CCDC187: variants seen among roughly 807,000 people sequenced by gnomAD.
CCDC187 encodes the protein coiled-coil domain-containing protein 187.
A neutral mutation model predicts 38.0 loss-of-function variants in CCDC187; 32 were observed. The observed-to-expected ratio is 0.84, with a 90% CI of 0.64 to 1.13. The LOEUF is 1.13. CCDC187 is among the 50% of genes most tolerant of loss of function. CCDC187 has a pLI of 0.00. For synonymous variants in CCDC187, 333 were observed against 347.9 expected, an observed-to-expected ratio of 0.96 and a Z score of 0.48; for missense variants, 707 against 786.8, an observed-to-expected ratio of 0.90 and a Z score of 1.21.
intron 4 of CCDC187, among the ~76,000 whole-genome samples, chr9:136,293,375 A>G (rs1472623667): frequency 7.2e-6 from 1 of 138,998 alleles, no homozygotes; most frequent in Non-Finnish European, 1.6e-5. Context: ...ATGCTCACAC[A>G]CTCACACTCA....
chr9:136,253,674 G>T lies in CCDC187; in HGVS notation c.6154C>A (p.Gln2052Lys). 1 of 985,548 alleles carries T rather than the reference G, an allele frequency of 1.0e-6. No individual in the cohort carries two copies. Among genetic ancestry groups the T allele is most frequent in the Non-Finnish European group, 1.2e-6 (1 of 829,968 alleles). The allele number at this position is 985,548 out of a possible 1,614,324, so 61.1% of individuals were successfully genotyped here. Residue 2052 changes from glutamine to lysine, a missense_variant, in exon 26 of 26, where the codon CAG (glutamine) becomes AAG (lysine). Transcript: ENST00000638797. ...TCCTCAGACAAGGAGGACAAATCCTGGGTGGTGATGGCGGTGTCCTCCTCA... is the reference window on the plus strand; with the variant it reads ...TCCTCAGACAAGGAGGACAAATCCTTGGTGGTGATGGCGGTGTCCTCCTCA... ...PLEEDTAITTQDLSSLSEESL... is the reference protein window; with the variant it reads ...PLEEDTAITTKDLSSLSEESL...
intron 5 of CCDC187, 118 bp downstream of exon 5, chr9:136,292,043 G>A (rs902351077): frequency 4.3e-5 from 17 of 397,770 alleles, no homozygotes; most frequent in Middle Eastern, 1.2e-3. Context: ...AGGCTGCTGT[G>A]AGAGGCGCCA....
rs1186080017 is a variant in CCDC187 at position 136,257,230 on chromosome 9, G to A, written c.4367-389C>T. Among the ~76,000 whole-genome samples the A allele has an allele frequency of 1.3e-5, 2 of 152,142 alleles. No individual in the cohort carries two copies. Among genetic ancestry groups the A allele is most frequent in the South Asian group, 2.1e-4 (1 of 4,824 alleles). On this transcript the variant is annotated intron_variant, in intron 22 of 25. Transcript: ENST00000638797. This position sits in a 1 kb window ranked among gnomAD's most constrained non-coding sequence, Gnocchi z 4.5. ...TCTACTAAAAATACAAAAATTAGGC[G>A]GGCATGGTGGCGGGGGCCTATAATT...
At chr9:136,275,626 C>A (rs1047526257) in intron 12 of CCDC187, among the ~76,000 whole-genome samples, 3 of 152,232 alleles carry the variant, frequency 2.0e-5, no homozygotes, top group Non-Finnish European at 4.4e-5. Flanking sequence ...CCCCTCCAGC[C>A]AGGTCACAGC....
At chr9:136,298,720 C>T (rs1249881261) in intron 3 of CCDC187, among the ~76,000 whole-genome samples, 3 of 152,220 alleles carry the variant, frequency 2.0e-5, no homozygotes, top group African/African-American at 7.2e-5. Context: ...GACTGTGATC[C>T]CACTCTATGC....
Position 136,290,792 on chromosome 9 carries a change from G to A in CCDC187, c.1821C>T (p.Ser607=), listed in dbSNP as rs1831306055. The A allele has an allele frequency of 5.0e-6, 2 of 398,458 alleles. No homozygotes were observed. The highest frequency in any genetic ancestry group is 4.1e-5 in the African/African-American group (2 of 48,644). 24.7% of individuals were successfully genotyped at this position (398,458 alleles called of 1,614,324 possible). A position where few individuals can be genotyped will look rare whatever the true frequency, so the allele number is the denominator to read the frequency against. ...AKHALPRPTG[S]FPQNPLGKEK... Reference sequence around the variant, plus strand: ...CCTTCCCAAGTGGGTTCTGAGGGAAGCTCCCGGTGGGCCTTGGCAGGGCAT... The same window carrying A: ...CCTTCCCAAGTGGGTTCTGAGGGAAACTCCCGGTGGGCCTTGGCAGGGCAT... Residue 607 remains serine (S), a synonymous_variant, in exon 6 of 26, where the codon AGC becomes AGT. Coordinates refer to ENST00000638797, the MANE Select transcript of CCDC187 (RefSeq NM_001378188.1).
At chr9:136,299,066 G>A (rs1227993720) in intron 3 of CCDC187, among the ~76,000 whole-genome samples, 1 of 152,194 alleles carries the variant, frequency 6.6e-6, no homozygotes, top group African/African-American at 2.4e-5. Flanking sequence ...ACCTGGGGCA[G>A]GGGCAGAGAA....
intron 10 of CCDC187, among the ~76,000 whole-genome samples, chr9:136,278,778 C>A (rs981940618): frequency 4.6e-5 from 7 of 152,248 alleles, no homozygotes; most frequent in Non-Finnish European, 1.0e-4. Context: ...CTGGCAGCCA[C>A]ACCCACCGTT....
chr9:136,259,341 G>A, intron 21 of CCDC187, 22 bp downstream of exon 21: 1 of 980,712 alleles, frequency 1.0e-6, no homozygotes, highest in South Asian at 4.7e-5. Context: ...CTGGGGAAAG[G>A]GCTTCCAGGG....
rs1184643105 is a variant in CCDC187 at position 136,251,777 on chromosome 9, G to C, written c.*1817C>G. ...GTGGCTTTGATGCGAAGAAGCAGGTGTGCAGTCCGGGCCTGGCTTCAGGTG... is the reference window on the plus strand; with the variant it reads ...GTGGCTTTGATGCGAAGAAGCAGGTCTGCAGTCCGGGCCTGGCTTCAGGTG... On this transcript the variant is annotated 3_prime_UTR_variant, in exon 26 of 26. Coordinates refer to ENST00000638797, the MANE Select transcript of CCDC187 (RefSeq NM_001378188.1). The C allele has an allele frequency of 1.3e-5, 2 of 153,538 alleles. No individual in the cohort carries two copies. Among genetic ancestry groups the C allele is most frequent in the African/African-American group, 2.4e-5 (1 of 41,466 alleles). The allele number at this position is 153,538 out of a possible 1,614,324, so 9.5% of individuals were successfully genotyped here.
At chr9:136,288,467 C>T (rs1307225895) in intron 7 of CCDC187, among the ~76,000 whole-genome samples, 1 of 152,168 alleles carries the variant, frequency 6.6e-6, no homozygotes, top group African/African-American at 2.4e-5. Context: ...GGGTGGGAGC[C>T]CCTCCCTGGC....
intron 19 of CCDC187, among the ~76,000 whole-genome samples, chr9:136,261,914 C>G (rs1830683569): frequency 6.6e-6 from 1 of 152,264 alleles, no homozygotes; most frequent in Non-Finnish European, 1.5e-5. Context: ...TTCCCAGCAT[C>G]AGGAAGCCGG....
In CCDC187 at chr9:136,265,236, G is replaced by A. The variant is rs563672257; in HGVS notation, c.3735+720C>T. Among the ~76,000 whole-genome samples the A allele has an allele frequency of 5.3e-5, 8 of 152,274 alleles. No individual in the cohort carries two copies. In the South Asian group the frequency reaches 1.4e-3, roughly 28 times the overall value. Reference sequence around the variant, plus strand: ...TTGCCCCTCAGCCTTGCTCTCTGCCGCAGGCAAAGCCCTGACTCTGGCAGC... The same window carrying A: ...TTGCCCCTCAGCCTTGCTCTCTGCCACAGGCAAAGCCCTGACTCTGGCAGC... On this transcript the variant is annotated intron_variant, in intron 17 of 25. Coordinates refer to ENST00000638797, the MANE Select transcript of CCDC187 (RefSeq NM_001378188.1).
At chr9:136,288,659 G>C (rs1347394995) in intron 7 of CCDC187, among the ~76,000 whole-genome samples, 1 of 152,176 alleles carries the variant, frequency 6.6e-6, no homozygotes, top group Non-Finnish European at 1.5e-5. Flanking sequence ...AGACCCAGGC[G>C]CAACTCCCCC....
At chr9:136,293,355 A>ACACTCACACT (rs1226765714) in intron 4 of CCDC187, among the ~76,000 whole-genome samples, 6 of 138,250 alleles carry the variant, frequency 4.3e-5, no homozygotes, top group Admixed American at 1.4e-4. Flanking sequence ...ACATGCTCAC[A>ACACTCACACT]CACATTCACA....
chr9:136,262,964 G>A (rs1588652151), intron 18 of CCDC187, among the ~76,000 whole-genome samples: 1 of 152,092 alleles, frequency 6.6e-6, no homozygotes, highest in East Asian at 1.9e-4. Context: ...CTCCCTCCAA[G>A]GATGCAGCTG....
chr9:136,262,710 T>C (rs1446478976), intron 18 of CCDC187, among the ~76,000 whole-genome samples: 1 of 152,176 alleles, frequency 6.6e-6, no homozygotes, highest in Non-Finnish European at 1.5e-5. Context: ...GAGACCCCCA[T>C]GCCCAGCTCT....
Position 136,294,166 on chromosome 9 carries a change from TCA to T in CCDC187, c.833-1873_833-1872del, listed in dbSNP as rs1225253687. On this transcript the variant is annotated intron_variant, in intron 4 of 25. Transcript: ENST00000638797. ...CACATGCTCTCACACACACATTCAC[TCA>T]CACGCTCATATACACACGCCCTCAC... 6.4e-4 allele frequency among the ~76,000 whole-genome samples: 68 copies of T among 105,934 alleles called. 1 individual carries two copies. The highest frequency in any genetic ancestry group is 4.7e-3 in the Admixed American group (50 of 10,558). The allele number at this position is 105,934 out of a possible 152,430, so 69.5% of individuals were successfully genotyped here. A position where few individuals can be genotyped will look rare whatever the true frequency, so the allele number is the denominator to read the frequency against.
At position 136,301,663 on chromosome 9, in the gene CCDC187, T is replaced by C. The variant is rs949534712; in HGVS notation, c.625+1149A>G. 3.4e-3 allele frequency among the ~76,000 whole-genome samples: 501 copies of C among 146,518 alleles called. 7 individuals are homozygous for C. Among genetic ancestry groups the C allele is most frequent in the African/African-American group, 0.012 (465 of 39,398 alleles). On this transcript the variant is annotated intron_variant, in intron 2 of 25. Coordinates refer to ENST00000638797, the MANE Select transcript of CCDC187 (RefSeq NM_001378188.1). Reference sequence around the variant, plus strand: ...GTGCAGTGGCGCAATCTCGACTCACTGCAAGCTCCGCCTCCTGGATTCACG... The same window carrying C: ...GTGCAGTGGCGCAATCTCGACTCACCGCAAGCTCCGCCTCCTGGATTCACG...
Sources: allele counts gnomAD v4.1 joint callset (sites outside exome capture counted in the v4.1 genomes callset), GRCh38; gene constraint gnomAD v4.1.1; non-coding constraint Gnocchi (gnomAD v3.1); transcripts MANE v1.5; gene names NCBI Gene and HGNC (gene_info 2026-07-23, HGNC 2026-07-21).